Variants in MYO16 observed in about 807,000 individuals in gnomAD.
The protein encoded by MYO16 is myosin XVI.
In MYO16, 94 loss-of-function variants were observed where a neutral mutation model predicts 205.3. The observed-to-expected ratio is 0.46, with a 90% CI of 0.39 to 0.54. The LOEUF is 0.54. Ranked by LOEUF, MYO16 falls within the 20% of genes least tolerant of loss-of-function variation. The probability of loss-of-function intolerance (pLI) is 0.00; values close to 1 mark genes in which losing one functional copy is unlikely to be tolerated. For synonymous variants in MYO16, 988 were observed against 954.0 expected, an observed-to-expected ratio of 1.04 and a Z score of -0.66; for missense variants, 2,315 against 2,387.5, an observed-to-expected ratio of 0.97 and a Z score of 0.63.
chr13:109,117,076 T>A (rs1190004392), intron 28 of MYO16, among the ~76,000 whole-genome samples: 1 of 152,112 alleles, frequency 6.6e-6, no homozygotes, highest in Non-Finnish European at 1.5e-5. Context: ...TGTTTCTTTT[T>A]CCTTTTATTT....
At chr13:108,800,454 A>G (rs1012375450) in intron 6 of MYO16, among the ~76,000 whole-genome samples, 1 of 152,126 alleles carries the variant, frequency 6.6e-6, no homozygotes, top group Admixed American at 6.6e-5. Context: ...TTAATTTCTG[A>G]CCTAGTGTGC....
At chr13:108,923,314 A>G (rs1881831647) in intron 16 of MYO16, among the ~76,000 whole-genome samples, 1 of 152,238 alleles carries the variant, frequency 6.6e-6, no homozygotes, top group South Asian at 2.1e-4. Flanking sequence ...GACACAGGAG[A>G]GAAGGGAGCA....
intron 28 of MYO16, among the ~76,000 whole-genome samples, chr13:109,119,134 A>G (rs1209466127): frequency 6.6e-6 from 1 of 152,190 alleles, no homozygotes; most frequent in African/African-American, 2.4e-5. Flanking sequence ...AATAAACTCC[A>G]TTTTCATATG....
At chr13:108,814,759 A>C (rs1887398361) in intron 7 of MYO16, among the ~76,000 whole-genome samples, 1 of 152,168 alleles carries the variant, frequency 6.6e-6, no homozygotes, top group South Asian at 2.1e-4. Flanking sequence ...TGAAAACCTA[A>C]TTATTTTTAT....
At chr13:108,739,549 T>C (rs1884827938) in intron 4 of MYO16, among the ~76,000 whole-genome samples, 1 of 152,206 alleles carries the variant, frequency 6.6e-6, no homozygotes, top group African/African-American at 2.4e-5. Context: ...ACCCGACCTT[T>C]CTCTCTGGCT....
At chr13:108,943,376 A>G (rs1457843345) in intron 16 of MYO16, among the ~76,000 whole-genome samples, 1 of 152,220 alleles carries the variant, frequency 6.6e-6, no homozygotes, top group African/African-American at 2.4e-5. Flanking sequence ...CTAGATCATT[A>G]TATAGATGTA....
chr13:108,607,585 AT>A (rs1181190480), intron 1 of MYO16, among the ~76,000 whole-genome samples: 1 of 152,148 alleles, frequency 6.6e-6, no homozygotes, highest in Non-Finnish European at 1.5e-5. Context: ...CTCTGTGTCA[AT>A]TAAACCTCTT....
chr13:108,806,595 A>AG, intron 6 of MYO16, 84 bp from the exon 7 acceptor site: 1 of 1,185,214 alleles, frequency 8.4e-7, no homozygotes, highest in Non-Finnish European at 1.2e-6. Context: ...CATTTCATTA[A>AG]GTAGCTCTCT....
chr13:108,551,375 A>G, the MYO16 span, among the ~76,000 whole-genome samples: 1 of 152,170 alleles, frequency 6.6e-6, no homozygotes, highest in Admixed American at 6.6e-5. Context: ...GTCTGCACAC[A>G]AGTGACTGGT....
At chr13:108,789,283 T>C (rs1886546743) in intron 5 of MYO16, among the ~76,000 whole-genome samples, 2 of 152,202 alleles carry the variant, frequency 1.3e-5, no homozygotes, top group Admixed American at 6.5e-5. Flanking sequence ...TTTGATATCC[T>C]TCTAATATGT....
chr13:108,741,539 A>T (rs1484903324), intron 4 of MYO16, among the ~76,000 whole-genome samples: 2 of 152,194 alleles, frequency 1.3e-5, no homozygotes, highest in African/African-American at 4.8e-5. Context: ...TTTAACCTCA[A>T]AAAAGGTGTA....
chr13:108,505,978 A>C, the MYO16 span, among the ~76,000 whole-genome samples: 1 of 152,082 alleles, frequency 6.6e-6, no homozygotes, highest in Non-Finnish European at 1.5e-5. Flanking sequence ...CTTTATACAC[A>C]AGAATTTATT....
chr13:108,811,191 T>G (rs1210488033), intron 7 of MYO16, among the ~76,000 whole-genome samples: 2 of 152,196 alleles, frequency 1.3e-5, no homozygotes, highest in East Asian at 3.8e-4. Flanking sequence ...TCATACATCT[T>G]AATGTTTAAA....
At chr13:108,668,804 T>G (rs1881854987) in intron 2 of MYO16, among the ~76,000 whole-genome samples, 1 of 152,166 alleles carries the variant, frequency 6.6e-6, no homozygotes, top group Admixed American at 6.5e-5. Context: ...GGCAGCTCAC[T>G]AGTAACCATG....
intron 9 of MYO16, among the ~76,000 whole-genome samples, chr13:108,839,654 G>A (rs1352703620): frequency 4.6e-5 from 7 of 152,140 alleles, no homozygotes; most frequent in Non-Finnish European, 1.0e-4. Context: ...TATCTAGCTG[G>A]CTTTCTCTCC....
chr13:108,499,550 C>G, the MYO16 span, among the ~76,000 whole-genome samples: 1 of 152,138 alleles, frequency 6.6e-6, no homozygotes, highest in African/African-American at 2.4e-5. Context: ...CTTCTCTTTC[C>G]CACTTATATA....
intron 22 of MYO16, among the ~76,000 whole-genome samples, chr13:109,013,312 C>A (rs1163275422): frequency 1.3e-4 from 20 of 152,060 alleles, no homozygotes; most frequent in Non-Finnish European, 2.8e-4. Flanking sequence ...TTTTTTATGG[C>A]TGCATAGTAT....
At chr13:108,812,181 G>A (rs1254746409) in intron 7 of MYO16, among the ~76,000 whole-genome samples, 5 of 152,214 alleles carry the variant, frequency 3.3e-5, no homozygotes, top group East Asian at 1.9e-4. Flanking sequence ...CCTAATGCTC[G>A]GAATTTGCAT....
chr13:108,793,372 T>C (rs924661583), intron 5 of MYO16, 144 bp from the exon 6 acceptor site: 8 of 639,442 alleles, frequency 1.3e-5, no homozygotes, highest in Non-Finnish European at 1.8e-5. Flanking sequence ...ACAAAGATAA[T>C]CAATTCTTTG....
Sources: allele counts gnomAD v4.1 joint callset (sites outside exome capture counted in the v4.1 genomes callset), GRCh38; gene constraint gnomAD v4.1.1; transcripts MANE v1.5; gene names NCBI Gene and HGNC (gene_info 2026-07-23, HGNC 2026-07-21).